The following NCK1 variants were observed in gnomAD, a reference collection of about 807,000 sequenced individuals.
NCK1 encodes the protein SH2/SH3 adapter protein NCK1.
NCK1 carries 19 observed loss-of-function variants against 36.6 expected under a neutral mutation model. The observed-to-expected ratio is 0.52, with a 90% CI of 0.36 to 0.76. The LOEUF (loss-of-function observed/expected upper bound fraction) is 0.76. Ranked by LOEUF, NCK1 falls within the 30% of genes least tolerant of loss-of-function variation. The pLI is 0.00. For synonymous variants in NCK1, 165 were observed against 156.0 expected, an observed-to-expected ratio of 1.06 and a Z score of -0.43; for missense variants, 358 against 445.6, an observed-to-expected ratio of 0.80 and a Z score of 1.77.
intron 1 of NCK1, among the ~76,000 whole-genome samples, chr3:136,878,138 G>T (rs1181159208): frequency 6.6e-6 from 1 of 152,180 alleles, no homozygotes; most frequent in African/African-American, 2.4e-5. Flanking sequence ...GCCGGACATG[G>T]TGGCTCACAC....
rs140160518 is a variant in NCK1 at position 136,888,273 on chromosome 3, T to A, written c.-19+25920T>A. Among the ~76,000 whole-genome samples, 1,318 of 152,300 alleles carry A rather than the reference T, an allele frequency of 8.7e-3. 8 individuals are homozygous for A. Among genetic ancestry groups the A allele is most frequent in the Middle Eastern group, 0.024 (7 of 294 alleles). On this transcript the variant is annotated intron_variant, in intron 1 of 3. Coordinates refer to ENST00000481752, the MANE Select transcript of NCK1 (RefSeq NM_001291999.2). ...TGCTTTATTTTATGATTCCATTCAG[T>A]CATTAGTCTTGTCGGTTTTTAAAAA...
chr3:136,866,282 T>G (rs1938407160), intron 1 of NCK1, among the ~76,000 whole-genome samples: 1 of 152,054 alleles, frequency 6.6e-6, no homozygotes, highest in South Asian at 2.1e-4. Context: ...TTTTTGTACC[T>G]TCGTATCATT....
intron 1 of NCK1, among the ~76,000 whole-genome samples, chr3:136,876,353 A>G (rs997268258): frequency 2.0e-5 from 3 of 152,188 alleles, no homozygotes; most frequent in African/African-American, 4.8e-5. Flanking sequence ...CAAAAAATCA[A>G]TGAATCCAGG....
chr3:136,933,559 A>G (rs1047833572), intron 2 of NCK1, among the ~76,000 whole-genome samples: 1 of 152,082 alleles, frequency 6.6e-6, no homozygotes, highest in Non-Finnish European at 1.5e-5. Flanking sequence ...ATCAGAAATT[A>G]TCTTTACACT....
chr3:136,877,615 C>T (rs1303465383), intron 1 of NCK1, among the ~76,000 whole-genome samples: 2 of 152,000 alleles, frequency 1.3e-5, no homozygotes, highest in Non-Finnish European at 2.9e-5. Context: ...AGCAAGGTGA[C>T]AGTAAAGGAT....
chr3:136,872,007 G>A (rs973852287), intron 1 of NCK1, among the ~76,000 whole-genome samples: 2 of 152,142 alleles, frequency 1.3e-5, no homozygotes, highest in African/African-American at 2.4e-5. Context: ...TTTATCAGCA[G>A]CATGAAAACA....
intron 1 of NCK1, among the ~76,000 whole-genome samples, chr3:136,862,889 C>T (rs1938282799): frequency 4.2e-5 from 6 of 143,730 alleles, no homozygotes; most frequent in Admixed American, 3.5e-4. Flanking sequence ...GTTTTCTAGT[C>T]TGGGGCTGTG....
intron 1 of NCK1, among the ~76,000 whole-genome samples, chr3:136,862,594 G>A (rs1357378517): frequency 6.6e-6 from 1 of 152,244 alleles, no homozygotes; most frequent in African/African-American, 2.4e-5. Context: ...TGACCCCGCG[G>A]CCTCCTTGTC....
intron 1 of NCK1, among the ~76,000 whole-genome samples, chr3:136,889,985 C>G (rs1463179162): frequency 6.6e-6 from 1 of 152,212 alleles, no homozygotes; most frequent in Non-Finnish European, 1.5e-5. Flanking sequence ...CCTGCCAGTC[C>G]TGCGCTGTGT....
chr3:136,899,534 G>T (rs912515259), intron 1 of NCK1: 27 of 479,172 alleles, frequency 5.6e-5, no homozygotes, highest in African/African-American at 5.0e-4. Flanking sequence ...CAGTTGCCAA[G>T]TCTGGTTTGG....
chr3:136,944,863 C>A (rs1237118258), intron 2 of NCK1, among the ~76,000 whole-genome samples: 1 of 152,120 alleles, frequency 6.6e-6, no homozygotes, highest in Non-Finnish European at 1.5e-5. Flanking sequence ...TTGATAGTAC[C>A]ATTTGGTGAT....
rs1940926797 is a variant in NCK1, at chr3:136,949,805, T to TA, written c.*1353dup. ...AAATAGATATCTAATACGCCAGAATTACTGATGGTAAAATTGAAGTTGTGT... is the reference window on the plus strand; with the variant it reads ...AAATAGATATCTAATACGCCAGAATTAACTGATGGTAAAATTGAAGTTGTGT... On this transcript the variant is annotated 3_prime_UTR_variant, in exon 4 of 4. Transcript: ENST00000481752. 1.3e-5 allele frequency: 2 copies of TA among 151,632 alleles called. No individual in the cohort carries two copies. Among genetic ancestry groups the TA allele is most frequent in the African/African-American group, 4.8e-5 (2 of 41,348 alleles). 9.4% of individuals were successfully genotyped at this position (151,632 alleles called of 1,614,324 possible).
intron 1 of NCK1, among the ~76,000 whole-genome samples, chr3:136,905,064 G>C (rs1560042324): frequency 6.7e-6 from 1 of 148,382 alleles, no homozygotes; most frequent in Admixed American, 6.8e-5. Flanking sequence ...CCAGGCTAGA[G>C]TGCTATGGCA....
At chr3:136,869,075 T>C (rs1475723182) in intron 1 of NCK1, among the ~76,000 whole-genome samples, 3 of 151,232 alleles carry the variant, frequency 2.0e-5, no homozygotes, top group African/African-American at 4.9e-5. Flanking sequence ...CCATCTCTAC[T>C]AAAGATATAA....
At chr3:136,889,079 A>G (rs1459480487) in intron 1 of NCK1, 1 of 101,378 alleles carries the variant, frequency 9.9e-6, no homozygotes, top group Non-Finnish European at 1.8e-5. Flanking sequence ...TTTTTTGTAG[A>G]GACAGTCTCA....
At chr3:136,865,374 C>T (rs7627298) in intron 1 of NCK1, among the ~76,000 whole-genome samples, 103,550 of 151,768 alleles carry the variant, frequency 0.68, 35,595 homozygotes, top group East Asian at 0.87. Flanking sequence ...TGTGCGCCAC[C>T]GTGGCTGGCC....
At chr3:136,865,345 A>C (rs1339386377) in intron 1 of NCK1, among the ~76,000 whole-genome samples, 2 of 152,160 alleles carry the variant, frequency 1.3e-5, no homozygotes, top group Non-Finnish European at 2.9e-5. Context: ...TCCGCCTCCC[A>C]AAGTGCTGAG....
intron 1 of NCK1, among the ~76,000 whole-genome samples, chr3:136,908,846 G>A (rs113257941): frequency 2.0e-5 from 3 of 152,216 alleles, no homozygotes; most frequent in Admixed American, 6.5e-5. Flanking sequence ...GATATATACA[G>A]TATAGTGCTG....
intron 1 of NCK1, among the ~76,000 whole-genome samples, chr3:136,889,601 A>C (rs1054316896): frequency 1.3e-5 from 2 of 151,990 alleles, no homozygotes; most frequent in African/African-American, 4.8e-5. Context: ...GGCCCCACCC[A>C]CATGCTGCTG....
Sources: allele counts gnomAD v4.1 joint callset (sites outside exome capture counted in the v4.1 genomes callset), GRCh38; gene constraint gnomAD v4.1.1; transcripts MANE v1.5; gene names NCBI Gene and HGNC (gene_info 2026-07-23, HGNC 2026-07-21).